PTPRZ1: variants seen among roughly 807,000 people sequenced by gnomAD.
PTPRZ1 encodes the protein protein tyrosine phosphatase receptor type Z1.
Under a neutral mutation model 214.1 loss-of-function variants are expected in PTPRZ1, and 82 were observed. The ratio of observed to expected loss-of-function variants is 0.38; its 90% CI spans 0.32 to 0.46. The LOEUF (loss-of-function observed/expected upper bound fraction) is 0.46, where lower values mean the gene tolerates loss of function less well. PTPRZ1 is among the 20% of genes least tolerant of loss of function. The probability of loss-of-function intolerance (pLI) is 1.00; values close to 1 mark genes in which losing one functional copy is unlikely to be tolerated. For synonymous variants in PTPRZ1, 945 were observed against 987.9 expected (o/e 0.96, Z 0.81); for missense variants, 2,603 against 2,748.7 (o/e 0.95, Z 1.19).
At chr7:121,970,381 T>A (rs1427051715) in intron 3 of PTPRZ1, among the ~76,000 whole-genome samples, 2 of 152,176 alleles carry the variant, frequency 1.3e-5, no homozygotes, top group Admixed American at 6.5e-5. Context: ...CGCCACACTG[T>A]CTTCCACAAT....
intron 2 of PTPRZ1, 148 bp from the exon 3 acceptor site, chr7:121,967,803 G>A: frequency 1.8e-6 from 1 of 570,438 alleles, no homozygotes. Context: ...CTAAATACAG[G>A]CATAATTATT....
At position 122,010,335 on chromosome 7, in the gene PTPRZ1, A is replaced by C. The variant is rs760245378; in HGVS notation, c.1289A>C (p.Glu430Ala). The C allele has an allele frequency of 3.1e-6, 5 of 1,595,196 alleles. No individual in the cohort carries two copies. The highest frequency in any genetic ancestry group is 4.3e-6 in the Non-Finnish European group (5 of 1,173,926). Reference sequence around the variant, plus strand: ...TTAAATCTTGTTTGCTTTTCAAAGGAGGAGGAAGAGGGAAAAGACATTGAA... The same window carrying C: ...TTAAATCTTGTTTGCTTTTCAAAGGCGGAGGAAGAGGGAAAAGACATTGAA... ...ELIGTEEIIK[E>A]EEEGKDIEEG... is the part of the protein sequence containing the mutation. Residue 430 changes from glutamate to alanine, a missense_variant and splice_region_variant, in exon 12 of 30, where the codon GAG (glutamate) becomes GCG (alanine). Glu to Ala is a moderately radical substitution (Grantham distance 107). Around this residue, in one of 6 missense-constraint regions of PTPRZ1, gnomAD observed 1,913 missense variants for 1,914.3 expected, o/e 1.00. Coordinates refer to ENST00000393386, the MANE Select transcript of PTPRZ1 (RefSeq NM_002851.3).
chr7:121,887,607 G>T (rs1283930812), intron 1 of PTPRZ1, among the ~76,000 whole-genome samples: 1 of 152,112 alleles, frequency 6.6e-6, no homozygotes, highest in African/African-American at 2.4e-5. Flanking sequence ...GGCATTCAGA[G>T]TTTTAAGAAA....
chr7:121,908,864 T>C (rs1316691990), intron 1 of PTPRZ1: 3 of 489,054 alleles, frequency 6.1e-6, no homozygotes, highest in African/African-American at 4.0e-5. Flanking sequence ...TGGAAATATA[T>C]ATAAAATATA....
intron 2 of PTPRZ1, among the ~76,000 whole-genome samples, chr7:121,946,737 C>A (rs764590848): frequency 5.3e-5 from 8 of 152,120 alleles, no homozygotes; most frequent in Admixed American, 2.6e-4. Flanking sequence ...ATCAAGTGAT[C>A]AAAGTAAACG....
At chr7:122,048,993 T>A (rs1419690737) in intron 23 of PTPRZ1, among the ~76,000 whole-genome samples, 2 of 152,094 alleles carry the variant, frequency 1.3e-5, no homozygotes, top group Non-Finnish European at 2.9e-5. Context: ...GTGTATTTCT[T>A]TAATATCATG....
chr7:121,909,332 C>T (rs1795204488), intron 1 of PTPRZ1, among the ~76,000 whole-genome samples: 1 of 152,148 alleles, frequency 6.6e-6, no homozygotes, highest in Non-Finnish European at 1.5e-5. Context: ...ATGACCTGAG[C>T]ACACAAGCTA....
chr7:121,908,759 A>G (rs780930408), intron 1 of PTPRZ1: 18 of 495,044 alleles, frequency 3.6e-5, no homozygotes, highest in Non-Finnish European at 7.9e-6. Flanking sequence ...TAACATTACT[A>G]ATGACACTTT....
chr7:122,035,585 C>T (rs932175169), intron 17 of PTPRZ1, among the ~76,000 whole-genome samples: 1 of 152,092 alleles, frequency 6.6e-6, no homozygotes, highest in Non-Finnish European at 1.5e-5. Context: ...TAAAGAAAAA[C>T]AATCCAGAAA....
chr7:122,025,824 G>T (rs1056666650), intron 13 of PTPRZ1, among the ~76,000 whole-genome samples: 2 of 152,112 alleles, frequency 1.3e-5, no homozygotes, highest in African/African-American at 4.8e-5. Context: ...AGAAGTAGAG[G>T]AATGTTTAAA....
At chr7:121,898,219 C>T (rs1794858838) in intron 1 of PTPRZ1, among the ~76,000 whole-genome samples, 1 of 151,248 alleles carries the variant, frequency 6.6e-6, no homozygotes, top group Admixed American at 6.6e-5. Context: ...TCACTGAATT[C>T]ACTTCAGAGA....
At chr7:121,975,480 C>T (rs1363917882) in intron 4 of PTPRZ1, among the ~76,000 whole-genome samples, 1 of 152,146 alleles carries the variant, frequency 6.6e-6, no homozygotes, top group Non-Finnish European at 1.5e-5. Flanking sequence ...TCGCCCAAAG[C>T]AGGAGCCACT....
At position 121,976,846 on chromosome 7, in the gene PTPRZ1, G is replaced by A. The variant is rs1385479485; in HGVS notation, c.614G>A (p.Arg205His). ...ATTGATGGAGTCGAAAGTGTTAGTCGTTTTGGTAAGCTACTTGGGGAACTA... is the reference window on the plus strand; with the variant it reads ...ATTGATGGAGTCGAAAGTGTTAGTCATTTTGGTAAGCTACTTGGGGAACTA... ...AIIDGVESVS[R>H]FGKQAALDPF... The change falls in exon 6 of 30, where the codon CGT becomes CAT. Residue 205 changes from arginine (R) to histidine (H), a missense_variant. Physicochemically the swap from Arg to His is conservative, Grantham distance 29 (BLOSUM62 0). Coordinates refer to ENST00000393386, the MANE Select transcript of PTPRZ1 (RefSeq NM_002851.3). 8.7e-6 allele frequency: 14 copies of A among 1,609,766 alleles called. No homozygotes were observed. The highest frequency in any genetic ancestry group is 1.2e-5 in the Non-Finnish European group (14 of 1,177,796).
chr7:121,944,628 G>C (rs891906193), intron 2 of PTPRZ1, among the ~76,000 whole-genome samples: 3 of 141,264 alleles, frequency 2.1e-5, no homozygotes, highest in Non-Finnish European at 4.6e-5. Context: ...TTATTTTAGT[G>C]CCATACTTAC....
In PTPRZ1 at chr7:122,044,577, T is replaced by C. The variant is rs140169492; in HGVS notation, c.6084+9T>C. ...TAGAGAAACAATTCCAGGTGAGTCC[T>C]CTTGGAAGCCTCTTGGATGTCACTA... On this transcript the variant is annotated intron_variant, in intron 23 of 29. Coordinates refer to ENST00000393386, the MANE Select transcript of PTPRZ1 (RefSeq NM_002851.3). The C allele has an allele frequency of 1.9e-6, 3 of 1,612,598 alleles. No individual in the cohort carries two copies. The African/African-American group carries it at 4.0e-5, about 21-fold the overall frequency.
At chr7:121,957,598 C>T (rs1271162058) in intron 2 of PTPRZ1, among the ~76,000 whole-genome samples, 2 of 152,214 alleles carry the variant, frequency 1.3e-5, no homozygotes, top group Admixed American at 1.3e-4. Context: ...TCCAGTTTTT[C>T]TGAGAAAATA....
intron 27 of PTPRZ1, among the ~76,000 whole-genome samples, chr7:122,056,768 T>G (rs1792361720): frequency 6.6e-6 from 1 of 151,870 alleles, no homozygotes; most frequent in South Asian, 2.1e-4. Context: ...CCCTATCCCC[T>G]TCATCCTCTC....
At position 122,012,166 on chromosome 7, in the gene PTPRZ1, G is replaced by A. The variant is rs188204509; in HGVS notation, c.3120G>A (p.Ala1040=). The part of the protein sequence containing the change: ...TTSVFGDDNK[A]LSKSEIIYGN... ...CTGTGTTTGGTGATGATAATAAGGC[G>A]CTTTCTAAAAGTGAAATAATATATG... The change falls in exon 12 of 30, where the codon GCG becomes GCA. Residue 1040 remains alanine (A), a synonymous_variant. Transcript: ENST00000393386. 1.1e-4 allele frequency: 184 copies of A among 1,613,810 alleles called. 2 individuals are homozygous for A. The highest frequency in any genetic ancestry group is 5.6e-4 in the South Asian group (51 of 91,050).
chr7:121,977,967 G>A (rs1357978788), intron 6 of PTPRZ1, among the ~76,000 whole-genome samples: 1 of 152,134 alleles, frequency 6.6e-6, no homozygotes, highest in Non-Finnish European at 1.5e-5. Flanking sequence ...TGTTAACACT[G>A]GGTTGTTAAC....
Sources: allele counts gnomAD v4.1 joint callset (sites outside exome capture counted in the v4.1 genomes callset), GRCh38; gene constraint gnomAD v4.1.1; regional missense constraint gnomAD v4.1.1; transcripts MANE v1.5; gene names NCBI Gene and HGNC (gene_info 2026-07-23, HGNC 2026-07-21).